The following INPP4B variants were observed in gnomAD, a reference collection of about 807,000 sequenced individuals.
The protein encoded by INPP4B is inositol polyphosphate-4-phosphatase type II B.
A neutral mutation model predicts 122.5 loss-of-function variants in INPP4B; 55 were observed. The ratio of observed to expected loss-of-function variants is 0.45; its 90% CI spans 0.36 to 0.56. The LOEUF (loss-of-function observed/expected upper bound fraction) is 0.56, where lower values mean the gene tolerates loss of function less well. Ranked by LOEUF, INPP4B falls within the 20% of genes least tolerant of loss-of-function variation. The probability of loss-of-function intolerance (pLI) is 0.00; values close to 1 mark genes in which losing one functional copy is unlikely to be tolerated. For synonymous variants in INPP4B, 403 were observed against 388.7 expected (o/e 1.04, Z -0.43); for missense variants, 1,000 against 1,097.7 (o/e 0.91, Z 1.26).
chr4:142,659,068 T>G (rs1223062834), intron 2 of INPP4B, among the ~76,000 whole-genome samples: 1 of 152,130 alleles, frequency 6.6e-6, no homozygotes, highest in African/African-American at 2.4e-5. Flanking sequence ...AAATTCTATT[T>G]TGCAAACCAT....
chr4:142,471,562 G>A (rs999465540), intron 2 of INPP4B, among the ~76,000 whole-genome samples: 1 of 152,150 alleles, frequency 6.6e-6, no homozygotes, highest in Non-Finnish European at 1.5e-5. Context: ...CAAGACTTCA[G>A]CTCAGAAAAA....
chr4:142,110,806 A>G (rs1451676916), intron 22 of INPP4B, among the ~76,000 whole-genome samples: 1 of 152,202 alleles, frequency 6.6e-6, no homozygotes, highest in Non-Finnish European at 1.5e-5. Flanking sequence ...AACAATCACA[A>G]TAACATGAAT....
chr4:142,033,061 T>C (rs531990166), intron 25 of INPP4B, among the ~76,000 whole-genome samples: 35 of 152,238 alleles, frequency 2.3e-4, no homozygotes, highest in African/African-American at 5.8e-4. Context: ...AGAGGAAAGC[T>C]TATTCCCATG....
chr4:142,808,748 A>G (rs1779153016), intron 1 of INPP4B, among the ~76,000 whole-genome samples: 1 of 152,120 alleles, frequency 6.6e-6, no homozygotes. Flanking sequence ...CCTTTTCAGA[A>G]TGTTTTAATT....
At chr4:142,410,724 A>G (rs186745377) in intron 5 of INPP4B, among the ~76,000 whole-genome samples, 17 of 152,338 alleles carry the variant, frequency 1.1e-4, no homozygotes, top group Middle Eastern at 6.8e-3. Context: ...ATGGAAGTAA[A>G]AGAATGTACT....
intron 3 of INPP4B, among the ~76,000 whole-genome samples, chr4:142,436,112 A>G (rs1180657013): frequency 6.6e-6 from 1 of 152,174 alleles, no homozygotes; most frequent in African/African-American, 2.4e-5. Flanking sequence ...GGTATTCTCC[A>G]CAGCCCAGCA....
intron 2 of INPP4B, among the ~76,000 whole-genome samples, chr4:142,699,677 T>A (rs932473706): frequency 2.8e-4 from 42 of 152,264 alleles, no homozygotes; most frequent in African/African-American, 8.7e-4. Context: ...TGACACCCCC[T>A]CCATCTTTAT....
intron 2 of INPP4B, among the ~76,000 whole-genome samples, chr4:142,596,430 G>C (rs1001516000): frequency 6.6e-6 from 1 of 151,996 alleles, no homozygotes. Flanking sequence ...TCAGTAGCTG[G>C]GCCAATTTGT....
chr4:142,406,798 C>T, intron 5 of INPP4B, among the ~76,000 whole-genome samples: 1 of 152,196 alleles, frequency 6.6e-6, no homozygotes, highest in East Asian at 1.9e-4. Context: ...TGCTAATTAT[C>T]TCTCTATTCC....
intron 25 of INPP4B, among the ~76,000 whole-genome samples, chr4:142,063,850 C>A (rs28507529): frequency 0.026 from 3,889 of 152,124 alleles, 186 homozygotes; most frequent in African/African-American, 0.089. Flanking sequence ...AAGCATACTG[C>A]AAAGAAATGT....
intron 25 of INPP4B, among the ~76,000 whole-genome samples, chr4:142,080,696 TTAAA>T (rs902051898): frequency 5.3e-5 from 8 of 152,128 alleles, no homozygotes; most frequent in African/African-American, 1.9e-4. Flanking sequence ...CTCTTCTATC[TTAAA>T]TAAACAGGCA....
At chr4:142,789,686 C>T (rs1776264942) in intron 1 of INPP4B, among the ~76,000 whole-genome samples, 1 of 151,978 alleles carries the variant, frequency 6.6e-6, no homozygotes, top group South Asian at 2.1e-4. Flanking sequence ...AAATTCAATG[C>T]AATTCCCATC....
intron 3 of INPP4B, among the ~76,000 whole-genome samples, chr4:142,454,969 T>A (rs1040442177): frequency 6.6e-6 from 1 of 152,048 alleles, no homozygotes; most frequent in African/African-American, 2.4e-5. Context: ...TTAACCTTAA[T>A]ACAACGAAGT....
intron 22 of INPP4B, 143 bp downstream of exon 22, chr4:142,112,399 C>A: frequency 1.1e-6 from 1 of 886,444 alleles, no homozygotes; most frequent in Non-Finnish European, 1.7e-6. Context: ...TACCTTCTAT[C>A]TCAAATAATT....
At chr4:142,186,581 G>A (rs956296648) in intron 15 of INPP4B, among the ~76,000 whole-genome samples, 2 of 152,142 alleles carry the variant, frequency 1.3e-5, no homozygotes, top group Admixed American at 6.5e-5. Context: ...ATTACAAGAC[G>A]AAATCTTGCT....
chr4:142,356,564 T>G, intron 7 of INPP4B, among the ~76,000 whole-genome samples: 1 of 151,736 alleles, frequency 6.6e-6, no homozygotes, highest in East Asian at 2.0e-4. Flanking sequence ...GTTAGTAAGG[T>G]TTCAGTTGTG....
intron 25 of INPP4B, among the ~76,000 whole-genome samples, chr4:142,060,669 C>T (rs1226361617): frequency 1.3e-5 from 2 of 152,118 alleles, no homozygotes; most frequent in Non-Finnish European, 2.9e-5. Flanking sequence ...GTTAAAAATC[C>T]ATGGAGTTAA....
chr4:142,406,118 T>TCTATCCCC (rs1422502367), intron 5 of INPP4B, among the ~76,000 whole-genome samples: 38 of 152,180 alleles, frequency 2.5e-4, no homozygotes, highest in Admixed American at 2.4e-3. Flanking sequence ...GACTTTCCTC[T>TCTATCCCC]CTATCCCCGC....
intron 5 of INPP4B, among the ~76,000 whole-genome samples, chr4:142,426,260 G>A (rs1808034761): frequency 6.6e-6 from 1 of 151,886 alleles, no homozygotes; most frequent in South Asian, 2.1e-4. Flanking sequence ...GTCAAGATTA[G>A]TCTCCTTTAT....
Sources: allele counts gnomAD v4.1 joint callset (sites outside exome capture counted in the v4.1 genomes callset), GRCh38; gene constraint gnomAD v4.1.1; transcripts MANE v1.5; gene names NCBI Gene and HGNC (gene_info 2026-07-23, HGNC 2026-07-21).